The following SLC35F3 variants were observed in gnomAD, a reference collection of about 807,000 sequenced individuals.
The protein encoded by SLC35F3 is putative thiamine transporter SLC35F3.
Under a neutral mutation model 49.9 loss-of-function variants are expected in SLC35F3, and 25 were observed. That is an observed-to-expected ratio of 0.50 (90% CI 0.37 to 0.70). The LOEUF is 0.70. SLC35F3 is among the 30% of genes least tolerant of loss of function. SLC35F3 has a pLI of 0.00. For missense variants in SLC35F3, 525 were observed against 639.8 expected (o/e 0.82, Z 1.94); for synonymous variants, 275 against 265.4 (o/e 1.04, Z -0.35).
chr1:234,314,532 G>A (rs1328585929), intron 4 of SLC35F3, among the ~76,000 whole-genome samples: 1 of 152,170 alleles, frequency 6.6e-6, no homozygotes, highest in Admixed American at 6.5e-5. Context: ...AAGCCGAGGT[G>A]TGTGGATCAC....
chr1:234,055,860 T>C (rs1664449417), intron 2 of SLC35F3, among the ~76,000 whole-genome samples: 1 of 152,256 alleles, frequency 6.6e-6, no homozygotes, highest in African/African-American at 2.4e-5. Context: ...TAGATTTTGT[T>C]ACTATTGTGG....
intron 2 of SLC35F3, among the ~76,000 whole-genome samples, chr1:234,122,047 T>C (rs2102893769): frequency 6.6e-6 from 1 of 152,358 alleles, no homozygotes; most frequent in Admixed American, 6.5e-5. Flanking sequence ...TGTGTCTTTA[T>C]AGTAACAAGA....
chr1:234,305,301 T>G (rs1458249346), intron 3 of SLC35F3, among the ~76,000 whole-genome samples: 1 of 152,118 alleles, frequency 6.6e-6, no homozygotes, highest in Admixed American at 6.5e-5. Flanking sequence ...AGTGCAGAAC[T>G]TATAGATTTT....
chr1:234,150,324 G>C (rs1055529887), intron 2 of SLC35F3, among the ~76,000 whole-genome samples: 2 of 151,216 alleles, frequency 1.3e-5, no homozygotes, highest in Non-Finnish European at 2.9e-5. Context: ...TTGTGAGGAA[G>C]AGTGTTGTTG....
intron 2 of SLC35F3, among the ~76,000 whole-genome samples, chr1:234,139,752 A>G (rs1665862608): frequency 6.6e-6 from 1 of 151,880 alleles, no homozygotes; most frequent in Non-Finnish European, 1.5e-5. Context: ...GTTTGAGACC[A>G]TCCTGGCCAA....
chr1:234,309,463 C>G (rs549812682), intron 4 of SLC35F3, 143 bp downstream of exon 4: 2 of 697,166 alleles, frequency 2.9e-6, no homozygotes, highest in African/African-American at 3.6e-5. Flanking sequence ...AAAATGAGCC[C>G]AGCAGAGGGC....
In SLC35F3 at chr1:234,078,239, CT is replaced by C. The variant is rs546284664; in HGVS notation, c.284-153177del. 5.4e-3 allele frequency among the ~76,000 whole-genome samples: 815 copies of C among 152,288 alleles called. 7 individuals carry two copies. Among genetic ancestry groups the C allele is most frequent in the Admixed American group, 7.6e-3 (117 of 15,300 alleles). ...AATCAAAACTACACAAAAACTGCCT[CT>C]CTTAAAGATTTGTCTTCCTCTTCTT... is the stretch of plus-strand genomic sequence containing the variant. On this transcript the variant is annotated intron_variant, in intron 2 of 7. Coordinates refer to ENST00000366618, the MANE Select transcript of SLC35F3 (RefSeq NM_173508.4).
chr1:234,297,605 A>C (rs896833566), intron 3 of SLC35F3, among the ~76,000 whole-genome samples: 12 of 152,146 alleles, frequency 7.9e-5, no homozygotes, highest in Admixed American at 7.9e-4. Flanking sequence ...TGGGCCGGGC[A>C]CAGTGGCTCA....
intron 2 of SLC35F3, among the ~76,000 whole-genome samples, chr1:234,144,138 A>G (rs1234001349): frequency 6.6e-5 from 10 of 152,200 alleles, no homozygotes; most frequent in Non-Finnish European, 1.3e-4. Context: ...TGTGAAGCAC[A>G]TGCCCATTCT....
intron 3 of SLC35F3, among the ~76,000 whole-genome samples, chr1:234,255,674 A>G (rs556298486): frequency 6.6e-6 from 1 of 152,328 alleles, no homozygotes; most frequent in South Asian, 2.1e-4. Flanking sequence ...TGAAAAGGCT[A>G]TAGACTGTTT....
At chr1:233,906,554 A>G (rs1483132373) in intron 2 of SLC35F3, among the ~76,000 whole-genome samples, 2 of 152,192 alleles carry the variant, frequency 1.3e-5, no homozygotes, top group African/African-American at 4.8e-5. Context: ...TGGTCTCATC[A>G]CTGTAGTTTG....
chr1:234,278,025 C>A (rs982521903), intron 3 of SLC35F3, among the ~76,000 whole-genome samples: 1 of 151,276 alleles, frequency 6.6e-6, no homozygotes, highest in South Asian at 2.1e-4. Flanking sequence ...GAAACCCCAT[C>A]TCTACAAAAA....
chr1:234,134,602 ACC>A (rs1463808677), intron 2 of SLC35F3, among the ~76,000 whole-genome samples: 2 of 151,922 alleles, frequency 1.3e-5, no homozygotes, highest in Non-Finnish European at 2.9e-5. Context: ...CTCAGTCTCA[ACC>A]CTGCCTGCAC....
chr1:234,176,460 C>G (rs1336871688), intron 2 of SLC35F3, among the ~76,000 whole-genome samples: 1 of 152,190 alleles, frequency 6.6e-6, no homozygotes, highest in Non-Finnish European at 1.5e-5. Context: ...CTCACAGCAC[C>G]TTGAGGACCC....
chr1:233,986,665 A>G (rs767878535), intron 2 of SLC35F3, among the ~76,000 whole-genome samples: 2 of 152,122 alleles, frequency 1.3e-5, no homozygotes, highest in Non-Finnish European at 2.9e-5. Context: ...GAATGATTTT[A>G]ACATTTGCTT....
At chr1:234,269,522 T>C (rs1668064645) in intron 3 of SLC35F3, among the ~76,000 whole-genome samples, 1 of 141,248 alleles carries the variant, frequency 7.1e-6, no homozygotes, top group South Asian at 2.6e-4. Flanking sequence ...CAGGCATGCA[T>C]GCTGCCCTCC....
At chr1:234,175,175 A>G (rs979966648) in intron 2 of SLC35F3, among the ~76,000 whole-genome samples, 1 of 152,196 alleles carries the variant, frequency 6.6e-6, no homozygotes, top group Non-Finnish European at 1.5e-5. Flanking sequence ...AATGCCTCTC[A>G]CTTCAATGTA....
At chr1:233,989,562 G>A (rs951325581) in intron 2 of SLC35F3, among the ~76,000 whole-genome samples, 9 of 151,992 alleles carry the variant, frequency 5.9e-5, no homozygotes, top group African/African-American at 1.9e-4. Context: ...AGAAAATAAC[G>A]TATTTTTAAA....
At chr1:234,032,247 A>C (rs898893613) in intron 2 of SLC35F3, among the ~76,000 whole-genome samples, 6 of 152,084 alleles carry the variant, frequency 3.9e-5, no homozygotes, top group Non-Finnish European at 7.4e-5. Flanking sequence ...TTTTAAATAT[A>C]CTCATCATGT....
Sources: gnomAD v4.1 joint callset for allele counts (sites outside exome capture counted in the v4.1 genomes callset) on GRCh38, gnomAD v4.1.1 for gene constraint, MANE v1.5 for transcripts, NCBI Gene and HGNC (gene_info 2026-07-23, HGNC 2026-07-21) for gene names.